Variants in CELSR1 observed in about 807,000 individuals in gnomAD.
CELSR1 encodes the protein cadherin EGF LAG seven-pass G-type receptor 1, also known as adhesion G protein-coupled receptor C1.
A neutral mutation model predicts 249.1 loss-of-function variants in CELSR1; 110 were observed. That is an observed-to-expected ratio of 0.44 (90% CI 0.38 to 0.52). CELSR1 has a LOEUF of 0.52. Ranked by LOEUF, CELSR1 falls within the 20% of genes least tolerant of loss-of-function variation. CELSR1 has a pLI of 0.00. For missense variants in CELSR1, 4,109 were observed against 4,296.4 expected (o/e 0.96, Z 1.22); for synonymous variants, 2,113 against 1,900.0 (o/e 1.11, Z -2.92).
Position 46,406,142 on chromosome 22 carries a change from A to C in CELSR1, c.5226+2854T>G, listed in dbSNP as rs183127915. ...TTTTCCTACAGAGACCCCACTGCCA[A>C]ATGACAACTTGCAAGCTCCAGTTCA... On this transcript the variant is annotated intron_variant, in intron 9 of 34. Coordinates refer to ENST00000674500, the MANE Select transcript of CELSR1 (RefSeq NM_001378328.1). This position sits in a 1 kb window ranked among gnomAD's most constrained non-coding sequence, Gnocchi z 5.4. 6.6e-6 allele frequency among the ~76,000 whole-genome samples: 1 copy of C among 152,302 alleles called. No individual in the cohort carries two copies. Among genetic ancestry groups the C allele is most frequent in the Non-Finnish European group, 1.5e-5 (1 of 68,024 alleles).
At chr22:46,438,149 C>CA (rs57542538) in intron 3 of CELSR1, among the ~76,000 whole-genome samples, 7,464 of 151,086 alleles carry the variant, frequency 0.049, 187 homozygotes, top group Middle Eastern at 0.078. Flanking sequence ...AAGCAAAAAG[C>CA]AAAAAAAAGG....
Position 46,526,239 on chromosome 22 carries a change from G to A in CELSR1, c.3544+7388C>T, listed in dbSNP as rs149162878. On this transcript the variant is annotated intron_variant, in intron 1 of 34. Coordinates refer to ENST00000674500, the MANE Select transcript of CELSR1 (RefSeq NM_001378328.1). The surrounding 1 kb of genome is among the most constrained non-coding windows in gnomAD (Gnocchi z 4.7). Reference sequence around the variant, plus strand: ...CAGAAGTTACTGTCCTGGCAAACCCGTCTACGAAGCTTGGCCACAGTAGCC... The same window carrying A: ...CAGAAGTTACTGTCCTGGCAAACCCATCTACGAAGCTTGGCCACAGTAGCC... Among the ~76,000 whole-genome samples, 397 of 152,274 alleles carry A rather than the reference G, an allele frequency of 2.6e-3. 2 individuals carry two copies. The highest frequency in any genetic ancestry group is 8.9e-3 in the African/African-American group (370 of 41,542).
chr22:46,410,590 G>A lies in CELSR1; in HGVS notation c.4770-29C>T, dbSNP rs140812670. On this transcript the variant is annotated intron_variant, in intron 6 of 34. Coordinates refer to ENST00000674500, the MANE Select transcript of CELSR1 (RefSeq NM_001378328.1). The surrounding 1 kb of genome is among the most constrained non-coding windows in gnomAD (Gnocchi z 6.8). ...GGTAGGTAAAGCCATCTTCTGTGAC[G>A]TCAGGGCGGGGAGAGGCGGCCACGG... The A allele has an allele frequency of 5.0e-6, 8 of 1,606,038 alleles. No individual in the cohort carries two copies. The African/African-American group carries it at 5.3e-5, about 11-fold the overall frequency.
In CELSR1 at chr22:46,410,644, T is replaced by C; in HGVS notation, c.4770-83A>G. ...GCTGGGCTCCGCAGTTGCCTCTGTG[T>C]AGCCTCTACCACCATAACTACTTCA... On this transcript the variant is annotated intron_variant, in intron 6 of 34. Transcript: ENST00000674500. This position sits in a 1 kb window ranked among gnomAD's most constrained non-coding sequence, Gnocchi z 6.8. The C allele has an allele frequency of 7.1e-7, 1 of 1,414,976 alleles. No homozygotes were observed. The highest frequency in any genetic ancestry group is 1.8e-5 in the Admixed American group (1 of 55,456). The allele number at this position is 1,414,976 out of a possible 1,614,324, so 87.7% of individuals were successfully genotyped here.
rs565566676 is a variant in CELSR1, at chr22:46,536,880, G to C, written c.291C>G (p.Ala97=). The C allele has an allele frequency of 2.5e-3, 3,093 of 1,228,698 alleles. 40 individuals carry two copies. In the African/African-American group the frequency reaches 0.038, roughly 15 times the overall value. The allele number at this position is 1,228,698 out of a possible 1,614,324, so 76.1% of individuals were successfully genotyped here. A position where few individuals can be genotyped will look rare whatever the true frequency, so the allele number is the denominator to read the frequency against. The change falls in exon 1 of 35, where the codon GCC becomes GCG. Residue 97 remains alanine (A), a synonymous_variant. Transcript: ENST00000674500. ...GCAGGCGGCGGCTCAGCGCCGTCGG[G>C]GCACTGCGGGCCACCAAGCGGACTT... ...PLQVRLVARS[A]PTALSRRLRA...
chr22:46,366,570 C>CG, intron 29 of CELSR1, 90 bp from the exon 30 acceptor site: 1 of 1,026,462 alleles, frequency 9.7e-7, no homozygotes, highest in Non-Finnish European at 1.5e-6. Context: ...GCAAGCCCCC[C>CG]ACACCCACAC....
At chr22:46,367,935 T>TCCACCTGC in intron 27 of CELSR1, 80 bp from the exon 28 acceptor site, 1 of 1,497,206 alleles carries the variant, frequency 6.7e-7, no homozygotes, top group East Asian at 2.5e-5. Context: ...CGTCCACCTG[T>TCCACCTGC]CCACCTGCCT....
intron 2 of CELSR1, chr22:46,463,024 T>G (rs2080050132): frequency 2.7e-6 from 1 of 370,050 alleles, no homozygotes; most frequent in African/African-American, 2.2e-5. Context: ...CAATTAAGCC[T>G]GCAATCTGGA....
Position 46,393,134 on chromosome 22 carries a change from C to A in CELSR1, c.5964+1008G>T, listed in dbSNP as rs1020737807. Among the ~76,000 whole-genome samples, 1 of 152,168 alleles carries A rather than the reference C, an allele frequency of 6.6e-6. No homozygotes were observed. Among genetic ancestry groups the A allele is most frequent in the Non-Finnish European group, 1.5e-5 (1 of 68,002 alleles). On this transcript the variant is annotated intron_variant, in intron 14 of 34. Transcript: ENST00000674500. The surrounding 1 kb of genome is among the most constrained non-coding windows in gnomAD (Gnocchi z 4.1). The stretch of plus-strand genomic sequence containing the variant: ...TCCCTCCTAGGGCCAGCCGCATCTG[C>A]AGGAAGCTCACGTCCCTCGCCCAGG...
intron 1 of CELSR1, among the ~76,000 whole-genome samples, chr22:46,487,148 G>A (rs964246168): frequency 6.6e-6 from 1 of 152,072 alleles, no homozygotes; most frequent in Admixed American, 6.6e-5. Context: ...AGATGGAAGA[G>A]CTGACGCTAA....
intron 5 of CELSR1, among the ~76,000 whole-genome samples, chr22:46,425,474 C>A (rs1364320890): frequency 6.6e-6 from 1 of 152,208 alleles, no homozygotes; most frequent in Non-Finnish European, 1.5e-5. Context: ...TGTATACAGC[C>A]ATTCAAAGGA....
In CELSR1 at chr22:46,430,461, C is replaced by CA. The variant is rs2079582359; in HGVS notation, c.4611+2931dup. Among the ~76,000 whole-genome samples the CA allele has an allele frequency of 6.6e-6, 1 of 152,036 alleles. No homozygotes were observed. The highest frequency in any genetic ancestry group is 6.5e-5 in the Admixed American group (1 of 15,270). Reference sequence around the variant, plus strand: ...GGGGGGTTCCCTCGGCAGTGTCACCCACCACCCTCAAGATCACCCTTGCAG... The same window carrying CA: ...GGGGGGTTCCCTCGGCAGTGTCACCCAACCACCCTCAAGATCACCCTTGCAG... On this transcript the variant is annotated intron_variant, in intron 5 of 34. Coordinates refer to ENST00000674500, the MANE Select transcript of CELSR1 (RefSeq NM_001378328.1). The surrounding 1 kb of genome is among the most constrained non-coding windows in gnomAD (Gnocchi z 4.6).
rs2079668534 is a variant in CELSR1 at position 46,436,884 on chromosome 22, AC to A, written c.4407-596del. ...GGTCAACCCAGCTGTACTTGCCCTG[AC>A]TCATTGTACTCTACCTTGCCCTTAC... On this transcript the variant is annotated intron_variant, in intron 3 of 34. Coordinates refer to ENST00000674500, the MANE Select transcript of CELSR1 (RefSeq NM_001378328.1). The surrounding 1 kb of genome is among the most constrained non-coding windows in gnomAD (Gnocchi z 5.9). Among the ~76,000 whole-genome samples, 2 of 151,926 alleles carry A rather than the reference AC, an allele frequency of 1.3e-5. No homozygotes were observed. Among genetic ancestry groups the A allele is most frequent in the African/African-American group, 4.8e-5 (2 of 41,296 alleles).
intron 1 of CELSR1, chr22:46,481,286 C>A: frequency 4.4e-6 from 2 of 459,606 alleles, no homozygotes; most frequent in Non-Finnish European, 4.0e-6. Context: ...ATAAAAAATA[C>A]ATTATTGCCC....
At position 46,468,401 on chromosome 22, in the gene CELSR1, T is replaced by C. The variant is rs558419462; in HGVS notation, c.3545-4056A>G. On this transcript the variant is annotated intron_variant, in intron 1 of 34. Transcript: ENST00000674500. This position sits in a 1 kb window ranked among gnomAD's most constrained non-coding sequence, Gnocchi z 4.5. Reference sequence around the variant, plus strand: ...ACTCTGTCTCAAAAAAAAAAAAAAATGTGGTCCATGCATACTATGGAATAT... The same window carrying C: ...ACTCTGTCTCAAAAAAAAAAAAAAACGTGGTCCATGCATACTATGGAATAT... 5.4e-3 allele frequency among the ~76,000 whole-genome samples: 695 copies of C among 128,376 alleles called. 7 individuals are homozygous for C. Among genetic ancestry groups the C allele is most frequent in the African/African-American group, 0.019 (661 of 35,162 alleles). The allele number at this position is 128,376 out of a possible 152,430, so 84.2% of individuals were successfully genotyped here. A position where few individuals can be genotyped will look rare whatever the true frequency, so the allele number is the denominator to read the frequency against.
At chr22:46,388,417 C>G (rs1260574135) in intron 18 of CELSR1, among the ~76,000 whole-genome samples, 1 of 152,082 alleles carries the variant, frequency 6.6e-6, no homozygotes, top group Non-Finnish European at 1.5e-5. Context: ...GCATGGAGAA[C>G]AAACGCCACT....
chr22:46,509,338 G>C (rs530507715), intron 1 of CELSR1, among the ~76,000 whole-genome samples: 3 of 152,326 alleles, frequency 2.0e-5, no homozygotes, highest in Admixed American at 6.5e-5. Flanking sequence ...GTGCAGAGGG[G>C]GTGATGGGTA....
rs768116732 is a variant in CELSR1, at chr22:46,363,970, C to G, written c.9035+26G>C. Reference sequence around the variant, plus strand: ...AGGACAAGGGGGAAGTGGGTGATCCCCGCCCTGGAGGCCCAGGCTACTCAC... The same window carrying G: ...AGGACAAGGGGGAAGTGGGTGATCCGCGCCCTGGAGGCCCAGGCTACTCAC... On this transcript the variant is annotated intron_variant, in intron 34 of 34. Coordinates refer to ENST00000674500, the MANE Select transcript of CELSR1 (RefSeq NM_001378328.1). The surrounding 1 kb of genome is among the most constrained non-coding windows in gnomAD (Gnocchi z 4.3). The G allele has an allele frequency of 4.5e-6, 7 of 1,562,164 alleles. No homozygotes were observed. The highest frequency in any genetic ancestry group is 1.4e-5 in the African/African-American group (1 of 72,682).
In CELSR1 at chr22:46,380,410, C is replaced by T. The variant is rs554325780; in HGVS notation, c.7256+378G>A. 9.2e-5 allele frequency among the ~76,000 whole-genome samples: 14 copies of T among 152,330 alleles called. No individual in the cohort carries two copies. Among genetic ancestry groups the T allele is most frequent in the South Asian group, 2.1e-4 (1 of 4,830 alleles). ...AGGCCAGTCTCTGGGTTCTGTCTCC[C>T]GTGTGTGACCGGAATGGGCCTGTCT... is the stretch of plus-strand genomic sequence containing the variant. On this transcript the variant is annotated intron_variant, in intron 22 of 34. Coordinates refer to ENST00000674500, the MANE Select transcript of CELSR1 (RefSeq NM_001378328.1). The surrounding 1 kb of genome is among the most constrained non-coding windows in gnomAD (Gnocchi z 5.1).
Sources: allele counts gnomAD v4.1 joint callset (sites outside exome capture counted in the v4.1 genomes callset), GRCh38; gene constraint gnomAD v4.1.1; non-coding constraint Gnocchi (gnomAD v3.1); transcripts MANE v1.5; gene names NCBI Gene and HGNC (gene_info 2026-07-23, HGNC 2026-07-21).